ARHGAP15: variants seen among roughly 807,000 people sequenced by gnomAD.
The protein encoded by ARHGAP15 is Rho GTPase activating protein 15.
ARHGAP15 carries 51 observed loss-of-function variants against 63.7 expected under a neutral mutation model. That is an observed-to-expected ratio of 0.80 (90% CI 0.64 to 1.01). ARHGAP15 has a LOEUF of 1.01. Among genes scored for constraint, ARHGAP15 ranks in the 50% least tolerant of loss-of-function variants. ARHGAP15 has a pLI of 0.00. For missense variants in ARHGAP15, 560 were observed against 564.6 expected (o/e 0.99, Z 0.08); for synonymous variants, 191 against 193.8 (o/e 0.99, Z 0.12).
At chr2:143,615,227 T>C (rs1698411064) in intron 11 of ARHGAP15, among the ~76,000 whole-genome samples, 1 of 152,234 alleles carries the variant, frequency 6.6e-6, no homozygotes, top group South Asian at 2.1e-4. Flanking sequence ...ACAGATGTCT[T>C]ATCTGGGGAT....
chr2:143,691,101 A>G (rs1683580465), intron 12 of ARHGAP15, among the ~76,000 whole-genome samples: 1 of 152,166 alleles, frequency 6.6e-6, no homozygotes, highest in South Asian at 2.1e-4. Context: ...AAAAAAATGA[A>G]GCACTCTGGT....
intron 1 of ARHGAP15, among the ~76,000 whole-genome samples, chr2:143,142,000 C>T (rs1195467322): frequency 2.6e-5 from 4 of 152,046 alleles, no homozygotes; most frequent in Admixed American, 1.3e-4. Context: ...AGCTGTCCAC[C>T]CGCAGCTGTC....
intron 10 of ARHGAP15, among the ~76,000 whole-genome samples, chr2:143,528,404 T>G (rs1230653890): frequency 6.6e-6 from 1 of 151,994 alleles, no homozygotes; most frequent in Non-Finnish European, 1.5e-5. Context: ...TCCATGTACC[T>G]CTCAGGAAAT....
chr2:143,510,018 TAAAAAAAAAAAAAAA>T (rs35469918), intron 9 of ARHGAP15, among the ~76,000 whole-genome samples: 2 of 48,808 alleles, frequency 4.1e-5, no homozygotes, highest in Non-Finnish European at 7.1e-5. Context: ...GACTCCCTCT[TAAAAAAAAAAAAAAA>T]AAAAAAAAAA....
At chr2:143,622,690 A>T (rs1698684416) in intron 11 of ARHGAP15, among the ~76,000 whole-genome samples, 1 of 151,904 alleles carries the variant, frequency 6.6e-6, no homozygotes, top group Admixed American at 6.6e-5. Context: ...TCTGAAATAA[A>T]CAGATTCACC....
chr2:143,486,735 C>G (rs181510909), intron 8 of ARHGAP15, among the ~76,000 whole-genome samples: 5 of 152,184 alleles, frequency 3.3e-5, no homozygotes, highest in Admixed American at 2.6e-4. Context: ...TTTACACACA[C>G]CTGACTTTGA....
intron 4 of ARHGAP15, among the ~76,000 whole-genome samples, chr2:143,224,831 A>G (rs1423115051): frequency 6.6e-6 from 1 of 152,180 alleles, no homozygotes; most frequent in Middle Eastern, 3.2e-3. Context: ...GCTAAGAACT[A>G]TGGGCAACAC....
At chr2:143,194,508 C>T (rs1691810626) in intron 2 of ARHGAP15, among the ~76,000 whole-genome samples, 1 of 151,908 alleles carries the variant, frequency 6.6e-6, no homozygotes, top group South Asian at 2.1e-4. Context: ...CTATTTTGGC[C>T]CTGAGTTTCT....
intron 10 of ARHGAP15, among the ~76,000 whole-genome samples, chr2:143,535,853 T>A (rs1368329711): frequency 6.6e-6 from 1 of 152,214 alleles, no homozygotes; most frequent in Non-Finnish European, 1.5e-5. Context: ...CTTTAGAAAG[T>A]CACATATATG....
chr2:143,583,834 T>C (rs939516901), intron 11 of ARHGAP15, among the ~76,000 whole-genome samples: 3 of 152,218 alleles, frequency 2.0e-5, no homozygotes, highest in African/African-American at 7.2e-5. Flanking sequence ...ACTAATTTTA[T>C]AGTTCAATGT....
intron 12 of ARHGAP15, 99 bp downstream of exon 12, chr2:143,624,366 C>G (rs1698759249): frequency 3.8e-6 from 5 of 1,312,988 alleles, no homozygotes; most frequent in Non-Finnish European, 4.0e-6. Context: ...TCATGGGGAA[C>G]AGATAGTATC....
At chr2:143,356,864 G>C (rs1419130959) in intron 6 of ARHGAP15, among the ~76,000 whole-genome samples, 1 of 152,106 alleles carries the variant, frequency 6.6e-6, no homozygotes, top group Admixed American at 6.5e-5. Context: ...TCTGATATTA[G>C]ATCCCGCCTT....
At chr2:143,320,410 C>CCCCCCA (rs1683958587) in intron 6 of ARHGAP15, among the ~76,000 whole-genome samples, 2 of 19,022 alleles carry the variant, frequency 1.1e-4, no homozygotes, top group African/African-American at 3.3e-4. Context: ...ACTTCCCCAC[C>CCCCCCA]CCCCCCCCCC....
intron 6 of ARHGAP15, among the ~76,000 whole-genome samples, chr2:143,315,500 A>G (rs976976713): frequency 5.3e-5 from 8 of 152,176 alleles, no homozygotes; most frequent in African/African-American, 9.6e-5. Flanking sequence ...TGAAAAATAC[A>G]GATACCAGAA....
At chr2:143,250,679 C>A in intron 6 of ARHGAP15, 79 bp downstream of exon 6, 1 of 1,181,670 alleles carries the variant, frequency 8.5e-7, no homozygotes, top group African/African-American at 1.5e-5. Context: ...ATAAGACTAC[C>A]TTCTTGTGAT....
chr2:143,749,481 T>C (rs1686290578), intron 13 of ARHGAP15, among the ~76,000 whole-genome samples: 1 of 152,174 alleles, frequency 6.6e-6, no homozygotes, highest in South Asian at 2.1e-4. Flanking sequence ...AGGGGAACAG[T>C]AGGTAACAGT....
intron 13 of ARHGAP15, among the ~76,000 whole-genome samples, chr2:143,761,760 T>C (rs1310781285): frequency 6.6e-6 from 1 of 152,182 alleles, no homozygotes; most frequent in Non-Finnish European, 1.5e-5. Flanking sequence ...TCTGTAGCAC[T>C]GGATTATAAA....
intron 1 of ARHGAP15, among the ~76,000 whole-genome samples, chr2:143,132,386 T>C (rs1406990757): frequency 6.6e-6 from 1 of 152,216 alleles, no homozygotes; most frequent in Non-Finnish European, 1.5e-5. Context: ...ATTTTTTTCA[T>C]TCCTCAGCTC....
chr2:143,385,180 A>G (rs10754918), intron 6 of ARHGAP15, among the ~76,000 whole-genome samples: 129,929 of 152,148 alleles, frequency 0.85, 55,613 homozygotes, highest in African/African-American at 0.9. Flanking sequence ...GCAAAGAGTA[A>G]AGGAGTGTCT....
Sources: allele counts gnomAD v4.1 joint callset (sites outside exome capture counted in the v4.1 genomes callset), GRCh38; gene constraint gnomAD v4.1.1; transcripts MANE v1.5; gene names NCBI Gene and HGNC (gene_info 2026-07-23, HGNC 2026-07-21).